PLCB4: variants seen among roughly 807,000 people sequenced by gnomAD.
PLCB4 encodes the protein phospholipase C beta 4.
PLCB4 carries 77 observed loss-of-function variants against 178.8 expected under a neutral mutation model. The ratio of observed to expected loss-of-function variants is 0.43; its 90% confidence interval spans 0.36 to 0.52. The LOEUF is 0.52. Ranked by LOEUF, PLCB4 falls within the 20% of genes least tolerant of loss-of-function variation. The pLI is 0.00. For missense variants in PLCB4, 1,024 were observed against 1,453.4 expected, an observed-to-expected ratio of 0.70 and a Z score of 4.80; for synonymous variants, 496 against 490.8, an observed-to-expected ratio of 1.01 and a Z score of -0.14.
chr20:9,373,187 A>G lies in PLCB4; in HGVS notation c.744+83A>G, dbSNP rs546092275. The G allele has an allele frequency of 1.0e-5, 7 of 669,600 alleles. No individual in the cohort carries two copies. In the South Asian group the frequency reaches 1.2e-4, roughly 12 times the overall value. 41.5% of individuals were successfully genotyped at this position (669,600 alleles called of 1,614,324 possible). A position where few individuals can be genotyped will look rare whatever the true frequency, so the allele number is the denominator to read the frequency against. On this transcript the variant is annotated intron_variant, in intron 12 of 39. Coordinates refer to ENST00000378473, the MANE Select transcript of PLCB4 (RefSeq NM_001377142.1). ...GGTGTCCTCATTGCATGCCTGCATC[A>G]TATGCCCTTATTCGCTTTGCTTCTG... is the stretch of plus-strand genomic sequence containing the variant.
chr20:9,224,694 C>T (rs2093841740), intron 3 of PLCB4, among the ~76,000 whole-genome samples: 1 of 152,122 alleles, frequency 6.6e-6, no homozygotes, highest in South Asian at 2.1e-4. Flanking sequence ...GTTGATTCTC[C>T]TTTGCTCTGT....
chr20:9,162,019 T>C (rs2092896136), intron 2 of PLCB4, among the ~76,000 whole-genome samples: 1 of 152,246 alleles, frequency 6.6e-6, no homozygotes, highest in African/African-American at 2.4e-5. Flanking sequence ...TTTTAATTCA[T>C]ATGATATTTA....
Position 9,233,190 on chromosome 20 carries a change from T to G in PLCB4, c.-16+15738T>G, listed in dbSNP as rs573004858. 2.6e-5 allele frequency among the ~76,000 whole-genome samples: 4 copies of G among 152,304 alleles called. No individual in the cohort carries two copies. In the South Asian group the frequency reaches 8.3e-4, roughly 32 times the overall value. ...TGAGTTTCAGATTTCATCTTCTAAA[T>G]GTTTTAATGTTAAATGATAATGATA... is the stretch of plus-strand genomic sequence containing the variant. On this transcript the variant is annotated intron_variant, in intron 3 of 39. Transcript: ENST00000378473.
At chr20:9,397,006 C>G (rs1474838552) in intron 19 of PLCB4, among the ~76,000 whole-genome samples, 3 of 152,102 alleles carry the variant, frequency 2.0e-5, no homozygotes, top group African/African-American at 7.2e-5. Flanking sequence ...ATCAATTGAC[C>G]CTTCTTTTCA....
At chr20:9,194,149 T>C (rs1009979375) in intron 2 of PLCB4, among the ~76,000 whole-genome samples, 1 of 152,202 alleles carries the variant, frequency 6.6e-6, no homozygotes, top group African/African-American at 2.4e-5. Flanking sequence ...AAGTGAAATA[T>C]AAATTTTCAC....
rs777166485 is a variant in PLCB4 at position 9,338,051 on chromosome 20, C to T, written c.209C>T (p.Ser70Leu). Residue 70 changes from serine (S) to leucine (L), a missense_variant, in exon 6 of 40, where the codon TCG (serine) becomes TTG (leucine). Ser to Leu is a moderately radical substitution (Grantham distance 145). Around this residue, in one of 7 missense-constraint regions of PLCB4, gnomAD observed 225 missense variants for 291.0 expected, o/e 0.77. Coordinates refer to ENST00000378473, the MANE Select transcript of PLCB4 (RefSeq NM_001377142.1). ...LECSLINSIR[S>L]GAIPKDPKIL... The stretch of plus-strand genomic sequence containing the variant: ...TGCTCCCTCATCAACAGTATTCGGT[C>T]GGGAGCCATACCAAAGGTACCTGTG... 13 of 1,610,348 alleles carry T rather than the reference C, an allele frequency of 8.1e-6. No homozygotes were observed. Among genetic ancestry groups the T allele is most frequent in the Middle Eastern group, 3.3e-4 (2 of 6,064 alleles).
At chr20:9,141,237 A>G (rs925379058) in intron 2 of PLCB4, among the ~76,000 whole-genome samples, 4 of 152,120 alleles carry the variant, frequency 2.6e-5, no homozygotes, top group East Asian at 1.9e-4. Context: ...TTCCATTCCT[A>G]TTTGTTCTCC....
chr20:9,424,056 T>C, intron 28 of PLCB4, 104 bp downstream of exon 28: 2 of 756,766 alleles, frequency 2.6e-6, no homozygotes, highest in Non-Finnish European at 4.4e-6. Flanking sequence ...AAATACTGTC[T>C]ATTCCTGCTA....
At chr20:9,099,836 A>G (rs2091071913) in intron 2 of PLCB4, among the ~76,000 whole-genome samples, 2 of 152,134 alleles carry the variant, frequency 1.3e-5, no homozygotes, top group Non-Finnish European at 2.9e-5. Flanking sequence ...ATTATGGCCC[A>G]TATCCCCTGA....
intron 3 of PLCB4, among the ~76,000 whole-genome samples, chr20:9,245,657 C>G (rs6039425): frequency 6.6e-6 from 1 of 151,818 alleles, no homozygotes; most frequent in Non-Finnish European, 1.5e-5. Flanking sequence ...CCTAGAACCT[C>G]TGTAGGGAGT....
chr20:9,133,877 T>G (rs567166330), intron 2 of PLCB4, among the ~76,000 whole-genome samples: 2 of 152,294 alleles, frequency 1.3e-5, no homozygotes, highest in South Asian at 2.1e-4. Context: ...GACATCAGTG[T>G]CAACTCCAGG....
At position 9,213,416 on chromosome 20, in the gene PLCB4, A is replaced by G. The variant is rs796257429; in HGVS notation, c.-78-3974A>G. Among the ~76,000 whole-genome samples, 7 of 152,186 alleles carry G rather than the reference A, an allele frequency of 4.6e-5. 1 individual carries two copies. Among genetic ancestry groups the G allele is most frequent in the African/African-American group, 1.7e-4 (7 of 41,532 alleles). On this transcript the variant is annotated intron_variant, in intron 2 of 39. Transcript: ENST00000378473. ...CACCCTGGCCTCCCAAACTGTTGGG[A>G]TTACAGGCGTGAGCCAACATGCCCA...
rs764045991 is a variant in PLCB4 at position 9,435,640 on chromosome 20, A to G, written c.2605A>G (p.Ile869Val). 1.3e-6 allele frequency: 2 copies of G among 1,580,616 alleles called. No homozygotes were observed. The highest frequency in any genetic ancestry group is 1.7e-6 in the Non-Finnish European group (2 of 1,150,846). ...AGCAGACCAAATGAGAGCTATGGGCATTGAAACTGTAAGTAGAAATGGTTG... is the reference window on the plus strand; with the variant it reads ...AGCAGACCAAATGAGAGCTATGGGCGTTGAAACTGTAAGTAGAAATGGTTG... ...KRADQMRAMGIETSDIADVPS... is the reference protein window; with the variant it reads ...KRADQMRAMGVETSDIADVPS... The change falls in exon 29 of 40, where the codon ATT becomes GTT. Residue 869 changes from isoleucine (I) to valine (V), a missense_variant. Transcript: ENST00000378473.
At chr20:9,302,882 T>C (rs1212255562) in intron 3 of PLCB4, among the ~76,000 whole-genome samples, 1 of 151,896 alleles carries the variant, frequency 6.6e-6, no homozygotes, top group Non-Finnish European at 1.5e-5. Context: ...ATTTTTGATA[T>C]AAACTTTTTG....
intron 1 of PLCB4, among the ~76,000 whole-genome samples, chr20:9,078,618 T>A (rs1324860714): frequency 6.6e-6 from 1 of 152,112 alleles, no homozygotes. Flanking sequence ...CTCCTCAGCC[T>A]CCCAAAGTGC....
chr20:9,353,766 C>T (rs550876091), intron 7 of PLCB4, among the ~76,000 whole-genome samples: 50 of 152,322 alleles, frequency 3.3e-4, no homozygotes, highest in African/African-American at 1.2e-3. Context: ...TCCTGCTGCT[C>T]TGCTGGCTCT....
chr20:9,448,583 T>G (rs927149834), intron 32 of PLCB4, among the ~76,000 whole-genome samples: 2 of 151,980 alleles, frequency 1.3e-5, no homozygotes, highest in Non-Finnish European at 2.9e-5. Context: ...CAACACAAAT[T>G]TGTAGACTTT....
At chr20:9,332,007 G>A (rs1243264330) in intron 4 of PLCB4, among the ~76,000 whole-genome samples, 2 of 152,172 alleles carry the variant, frequency 1.3e-5, no homozygotes, top group Non-Finnish European at 2.9e-5. Flanking sequence ...AGTTGGGCTG[G>A]ATGAGCTAAC....
chr20:9,411,503 C>G (rs541670692), intron 25 of PLCB4, among the ~76,000 whole-genome samples: 1 of 152,250 alleles, frequency 6.6e-6, no homozygotes, highest in Admixed American at 6.5e-5. Flanking sequence ...GGGTGTCGAG[C>G]TGAATTTCAT....
Sources: allele counts gnomAD v4.1 joint callset (sites outside exome capture counted in the v4.1 genomes callset), GRCh38; gene constraint gnomAD v4.1.1; regional missense constraint gnomAD v4.1.1; transcripts MANE v1.5; gene names NCBI Gene and HGNC (gene_info 2026-07-23, HGNC 2026-07-21).